Variants in MAFA observed in about 807,000 individuals in gnomAD.
The protein encoded by MAFA is transcription factor MafA.
For synonymous variants in MAFA, 244 were observed against 260.3 expected, an observed-to-expected ratio of 0.94 and a Z score of 0.60; for missense variants, 547 against 538.0, an observed-to-expected ratio of 1.02 and a Z score of -0.16.
Position 143,430,095 on chromosome 8 carries a change from G to A in MAFA, c.312C>T (p.Val104=). The A allele has an allele frequency of 8.5e-7, 1 of 1,179,800 alleles. No individual in the cohort carries two copies. The highest frequency in any genetic ancestry group is 1.1e-6 in the Non-Finnish European group (1 of 950,220). The allele number at this position is 1,179,800 out of a possible 1,614,324, so 73.1% of individuals were successfully genotyped here. ...GCGCCGGCTTCCCCGAGGTGCCCCCGACGGCGCCGGGGCCCCCGCTCGGCG... is the reference window on the plus strand; with the variant it reads ...GCGCCGGCTTCCCCGAGGTGCCCCCAACGGCGCCGGGGCCCCCGCTCGGCG... ...PGPPSGGPGA[V]GGTSGKPALE... The change falls in exon 1 of 1, where the codon GTC becomes GTT. Residue 104 remains valine, a synonymous_variant. Transcript: ENST00000333480.
Position 143,430,582 on chromosome 8 carries a change from G to T in MAFA, c.-176C>A, listed in dbSNP as rs1283949011. 7.0e-6 allele frequency among the ~76,000 whole-genome samples: 1 copy of T among 142,024 alleles called. No homozygotes were observed. The highest frequency in any genetic ancestry group is 2.5e-5 in the African/African-American group (1 of 40,240). The allele number at this position is 142,024 out of a possible 152,430, so 93.2% of individuals were successfully genotyped here. The stretch of plus-strand genomic sequence containing the variant: ...GGAAAAGTTTCACGTGGTCAACTCC[G>T]GGGCGGCGCGCTAGGGGCACCGCTG... On this transcript the variant is annotated 5_prime_UTR_variant, in exon 1 of 1. Coordinates refer to ENST00000333480, the MANE Select transcript of MAFA (RefSeq NM_201589.4).
In MAFA at chr8:143,428,878, T is replaced by C. The variant is rs1819488987; in HGVS notation, c.*467A>G. ...TTCTAATCACCAAGCATAATAATTA[T>C]AAATACTTCGAAAATAAGACCGATT... On this transcript the variant is annotated 3_prime_UTR_variant, in exon 1 of 1. Transcript: ENST00000333480. The C allele has an allele frequency of 6.6e-6, 1 of 152,450 alleles. No individual in the cohort carries two copies. Among genetic ancestry groups the C allele is most frequent in the Non-Finnish European group, 1.5e-5 (1 of 68,378 alleles). The allele number at this position is 152,450 out of a possible 1,614,324, so 9.4% of individuals were successfully genotyped here. A position where few individuals can be genotyped will look rare whatever the true frequency, so the allele number is the denominator to read the frequency against.
chr8:143,430,322 A>G lies in MAFA; in HGVS notation c.85T>C (p.Phe29Leu). Residue 29 changes from phenylalanine to leucine, a missense_variant, in exon 1 of 1, where the codon TTC becomes CTC. Phe to Leu is a conservative substitution (Grantham distance 22). Coordinates refer to ENST00000333480, the MANE Select transcript of MAFA (RefSeq NM_201589.4). ...EYVNDFDLMK[F>L]EVKKEPPEAE... ...TCGGGAGGCTCCTTCTTCACCTCGA[A>G]CTTCATCAGGTCGAAGTCGTTGACG... 6.9e-7 allele frequency: 1 copy of G among 1,449,192 alleles called. No homozygotes were observed. The highest frequency in any genetic ancestry group is 9.2e-7 in the Non-Finnish European group (1 of 1,085,872). 89.8% of individuals were successfully genotyped at this position (1,449,192 alleles called of 1,614,324 possible).
In MAFA at chr8:143,430,401, G is replaced by C. The variant is rs1319154632; in HGVS notation, c.6C>G (p.Ala2=). 2.3e-6 allele frequency: 3 copies of C among 1,330,260 alleles called. No homozygotes were observed. The highest frequency in any genetic ancestry group is 2.3e-4 in the Middle Eastern group (1 of 4,318). The allele number at this position is 1,330,260 out of a possible 1,614,324, so 82.4% of individuals were successfully genotyped here. The part of the protein sequence containing the change: M[A]AELAMGAELP... ...GCTCGGCGCCCATCGCCAGCTCCGC[G>C]GCCATCGCCCGGGGCCCGCGCCCGG... The change falls in exon 1 of 1, where the codon GCC becomes GCG. Residue 2 remains alanine (A), a synonymous_variant. Coordinates refer to ENST00000333480, the MANE Select transcript of MAFA (RefSeq NM_201589.4).
In MAFA at chr8:143,429,586, T is replaced by C. The variant is rs1481216930; in HGVS notation, c.821A>G (p.Lys274Arg). The C allele has an allele frequency of 6.2e-7, 1 of 1,603,298 alleles. No individual in the cohort carries two copies. The highest frequency in any genetic ancestry group is 1.3e-5 in the African/African-American group (1 of 74,984). ...NRGYAQSCRF[K>R]RVQQRHILES... The stretch of plus-strand genomic sequence containing the variant: ...CAGAATGTGCCGCTGCTGCACCCGC[T>C]TGAAGCGGCAGGACTGCGCGTAGCC... Residue 274 changes from lysine to arginine, a missense_variant, in exon 1 of 1, where the codon AAG becomes AGG. Coordinates refer to ENST00000333480, the MANE Select transcript of MAFA (RefSeq NM_201589.4). This position sits in a 1 kb window ranked among gnomAD's most constrained non-coding sequence, Gnocchi z 5.9.
chr8:143,428,804 A>C lies in MAFA; in HGVS notation c.*541T>G, dbSNP rs1819487881. 6.6e-6 allele frequency: 1 copy of C among 151,634 alleles called. No individual in the cohort carries two copies. Among genetic ancestry groups the C allele is most frequent in the Admixed American group, 6.6e-5 (1 of 15,244 alleles). 9.4% of individuals were successfully genotyped at this position (151,634 alleles called of 1,614,324 possible). A position where few individuals can be genotyped will look rare whatever the true frequency, so the allele number is the denominator to read the frequency against. On this transcript the variant is annotated 3_prime_UTR_variant, in exon 1 of 1. Transcript: ENST00000333480. ...CGACTCATGCTGTGACTCGCGACTGAGGGCGGACCCCGGCTGGGGAAAGAA... is the reference window on the plus strand; with the variant it reads ...CGACTCATGCTGTGACTCGCGACTGCGGGCGGACCCCGGCTGGGGAAAGAA...
In MAFA at chr8:143,429,077, C is replaced by T; in HGVS notation, c.*268G>A. ...CGTTCAACGTATGTACAAGCGGACG[C>T]TTGGAAAGAAGTTAGACCTGGCTCA... On this transcript the variant is annotated 3_prime_UTR_variant, in exon 1 of 1. Coordinates refer to ENST00000333480, the MANE Select transcript of MAFA (RefSeq NM_201589.4). This position sits in a 1 kb window ranked among gnomAD's most constrained non-coding sequence, Gnocchi z 5.9. 3.4e-6 allele frequency: 1 copy of T among 292,152 alleles called. No homozygotes were observed. Among genetic ancestry groups the T allele is most frequent in the Non-Finnish European group, 6.2e-6 (1 of 161,288 alleles). The allele number at this position is 292,152 out of a possible 1,614,324, so 18.1% of individuals were successfully genotyped here. A position where few individuals can be genotyped will look rare whatever the true frequency, so the allele number is the denominator to read the frequency against.
Position 143,429,777 on chromosome 8 carries a change from G to C in MAFA, c.630C>G (p.Gly210=), listed in dbSNP as rs1225759892. Residue 210 remains glycine, a synonymous_variant, in exon 1 of 1, where the codon GGC becomes GGG. Transcript: ENST00000333480. The surrounding 1 kb of genome is among the most constrained non-coding windows in gnomAD (Gnocchi z 5.9). ...GGCCCGCGCCACCGCCGTGTCCCGCGCCGCCATGGTGGTGGTGGTGGTGGT... is the reference window on the plus strand; with the variant it reads ...GGCCCGCGCCACCGCCGTGTCCCGCCCCGCCATGGTGGTGGTGGTGGTGGT... ...HHHHHHHHHG[G]AGHGGGAGHH... is the part of the protein sequence containing the mutation. 6.7e-7 allele frequency: 1 copy of C among 1,491,770 alleles called. No individual in the cohort carries two copies. The highest frequency in any genetic ancestry group is 1.6e-5 in the African/African-American group (1 of 62,642). 92.4% of individuals were successfully genotyped at this position (1,491,770 alleles called of 1,614,324 possible). A position where few individuals can be genotyped will look rare whatever the true frequency, so the allele number is the denominator to read the frequency against.
chr8:143,428,187 C>T lies in MAFA; in HGVS notation c.*1158G>A, dbSNP rs1400254908. ...TTTCAACGAGTCGGCGCGCCTTCCA[C>T]TCCGAGTGCTCAGGGGAGGGGTGTG... On this transcript the variant is annotated 3_prime_UTR_variant, in exon 1 of 1. Coordinates refer to ENST00000333480, the MANE Select transcript of MAFA (RefSeq NM_201589.4). 6.6e-6 allele frequency: 1 copy of T among 152,230 alleles called. No individual in the cohort carries two copies. The highest frequency in any genetic ancestry group is 2.4e-5 in the African/African-American group (1 of 41,456). 9.4% of individuals were successfully genotyped at this position (152,230 alleles called of 1,614,324 possible). A position where few individuals can be genotyped will look rare whatever the true frequency, so the allele number is the denominator to read the frequency against.
chr8:143,429,601 T>G lies in MAFA; in HGVS notation c.806A>C (p.Gln269Pro). ...CTGCACCCGCTTGAAGCGGCAGGAC[T>G]GCGCGTAGCCGCGGTTCTTGAGCGT... is the stretch of plus-strand genomic sequence containing the variant. ...RRTLKNRGYA[Q>P]SCRFKRVQQR... The change falls in exon 1 of 1, where the codon CAG becomes CCG. Residue 269 changes from glutamine to proline, a missense_variant. By Grantham distance (76) the Gln-to-Pro change is moderately conservative. Coordinates refer to ENST00000333480, the MANE Select transcript of MAFA (RefSeq NM_201589.4). This position sits in a 1 kb window ranked among gnomAD's most constrained non-coding sequence, Gnocchi z 5.9. 6.2e-7 allele frequency: 1 copy of G among 1,601,246 alleles called. No individual in the cohort carries two copies. The highest frequency in any genetic ancestry group is 8.5e-7 in the Non-Finnish European group (1 of 1,178,852).
Position 143,429,570 on chromosome 8 carries a change from C to T in MAFA, c.837G>A (p.Arg279=), listed in dbSNP as rs750218912. Residue 279 remains arginine, a synonymous_variant, in exon 1 of 1, where the codon CGG becomes CGA. Transcript: ENST00000333480. This position sits in a 1 kb window ranked among gnomAD's most constrained non-coding sequence, Gnocchi z 5.9. ...GGCACTTCTCGCTCTCCAGAATGTG[C>T]CGCTGCTGCACCCGCTTGAAGCGGC... The part of the protein sequence containing the change: ...QSCRFKRVQQ[R]HILESEKCQL... 3.0e-5 allele frequency: 48 copies of T among 1,604,084 alleles called. No homozygotes were observed. Among genetic ancestry groups the T allele is most frequent in the Non-Finnish European group, 4.1e-5 (48 of 1,179,470 alleles).
Position 143,428,116 on chromosome 8 carries a change from A to T in MAFA, c.*1229T>A, listed in dbSNP as rs1191897416. The T allele has an allele frequency of 6.6e-6, 1 of 152,256 alleles. No individual in the cohort carries two copies. The highest frequency in any genetic ancestry group is 1.5e-5 in the Non-Finnish European group (1 of 68,048). The allele number at this position is 152,256 out of a possible 1,614,324, so 9.4% of individuals were successfully genotyped here. On this transcript the variant is annotated 3_prime_UTR_variant, in exon 1 of 1. Coordinates refer to ENST00000333480, the MANE Select transcript of MAFA (RefSeq NM_201589.4). ...ATTTTTTTCTTTTTCTCAGTTTCGT[A>T]GCAAATGAAAAAAGAACTCAACGAA...
In MAFA at chr8:143,428,531, G is replaced by A. The variant is rs1454805692; in HGVS notation, c.*814C>T. 3 of 152,214 alleles carry A rather than the reference G, an allele frequency of 2.0e-5. No individual in the cohort carries two copies. The highest frequency in any genetic ancestry group is 1.3e-4 in the Admixed American group (2 of 15,284). 9.4% of individuals were successfully genotyped at this position (152,214 alleles called of 1,614,324 possible). A position where few individuals can be genotyped will look rare whatever the true frequency, so the allele number is the denominator to read the frequency against. On this transcript the variant is annotated 3_prime_UTR_variant, in exon 1 of 1. Transcript: ENST00000333480. Reference sequence around the variant, plus strand: ...CTTCTCTTGAAGGTTAAAACAAGATGTATTTCCCCAGGAGTTACAGATATG... The same window carrying A: ...CTTCTCTTGAAGGTTAAAACAAGATATATTTCCCCAGGAGTTACAGATATG...
At position 143,430,608 on chromosome 8, in the gene MAFA, G is replaced by C. The variant is rs936116712; in HGVS notation, c.-202C>G. ...GGGCGGCGCGCTAGGGGCACCGCTGGCCAGGTGTCTCGGGCGACCCCGGGC... is the reference window on the plus strand; with the variant it reads ...GGGCGGCGCGCTAGGGGCACCGCTGCCCAGGTGTCTCGGGCGACCCCGGGC... On this transcript the variant is annotated 5_prime_UTR_variant, in exon 1 of 1. Transcript: ENST00000333480. 9.1e-5 allele frequency among the ~76,000 whole-genome samples: 12 copies of C among 131,992 alleles called. No homozygotes were observed. Among genetic ancestry groups the C allele is most frequent in the African/African-American group, 1.3e-4 (5 of 38,828 alleles). The allele number at this position is 131,992 out of a possible 152,430, so 86.6% of individuals were successfully genotyped here.
At position 143,430,488 on chromosome 8, in the gene MAFA, C is replaced by G; in HGVS notation, c.-82G>C. On this transcript the variant is annotated 5_prime_UTR_variant, in exon 1 of 1. Transcript: ENST00000333480. ...GCTGCAGGCCTCTCCCCCCCCTGCT[C>G]CCCGCGGGCGGCGGTCCCGGCGGGG... 5.8e-6 allele frequency: 2 copies of G among 346,620 alleles called. No homozygotes were observed. The highest frequency in any genetic ancestry group is 1.3e-4 in the South Asian group (1 of 7,772). The allele number at this position is 346,620 out of a possible 1,614,324, so 21.5% of individuals were successfully genotyped here.
In MAFA at chr8:143,429,579, C is replaced by T. The variant is rs779940817; in HGVS notation, c.828G>A (p.Val276=). ...GYAQSCRFKR[V]QQRHILESEK... ...CGCTCTCCAGAATGTGCCGCTGCTGCACCCGCTTGAAGCGGCAGGACTGCG... is the reference window on the plus strand; with the variant it reads ...CGCTCTCCAGAATGTGCCGCTGCTGTACCCGCTTGAAGCGGCAGGACTGCG... The change falls in exon 1 of 1, where the codon GTG becomes GTA. Residue 276 remains valine (V), a synonymous_variant. Transcript: ENST00000333480. This position sits in a 1 kb window ranked among gnomAD's most constrained non-coding sequence, Gnocchi z 5.9. The T allele has an allele frequency of 5.6e-6, 9 of 1,603,698 alleles. No homozygotes were observed. The highest frequency in any genetic ancestry group is 4.2e-6 in the Non-Finnish European group (5 of 1,179,444).
Position 143,429,926 on chromosome 8 carries a change from C to A in MAFA, c.481G>T (p.Ala161Ser). The A allele has an allele frequency of 1.6e-6, 2 of 1,256,882 alleles. No individual in the cohort carries two copies. Among genetic ancestry groups the A allele is most frequent in the South Asian group, 2.7e-5 (1 of 36,590 alleles). 77.9% of individuals were successfully genotyped at this position (1,256,882 alleles called of 1,614,324 possible). A position where few individuals can be genotyped will look rare whatever the true frequency, so the allele number is the denominator to read the frequency against. The stretch of plus-strand genomic sequence containing the variant: ...GGGCCGCGGAAAGCCTCGTAGGCTG[C>A]GGCGGCCGCCGGGTGGTGCGCGCCG... Reference protein sequence around the residue: ...HHGAHHPAAAAAYEAFRGPGF... With the variant: ...HHGAHHPAAASAYEAFRGPGF... The change falls in exon 1 of 1, where the codon GCA becomes TCA. Residue 161 changes from alanine to serine, a missense_variant. By Grantham distance (99) the Ala-to-Ser change is moderately conservative. Transcript: ENST00000333480. This position sits in a 1 kb window ranked among gnomAD's most constrained non-coding sequence, Gnocchi z 5.9.
rs763752855 is a variant in MAFA at position 143,430,031 on chromosome 8, G to A, written c.376C>T (p.Leu126Phe). The change falls in exon 1 of 1, where the codon CTC becomes TTC. Residue 126 changes from leucine to phenylalanine, a missense_variant. Leu to Phe is a conservative substitution (Grantham distance 22). Transcript: ENST00000333480. ...GTCAGGTTGAGCGCCTCGGGGTTGAGGTGATGCTGGTAGCCGCTCATCCAG... is the reference window on the plus strand; with the variant it reads ...GTCAGGTTGAGCGCCTCGGGGTTGAAGTGATGCTGGTAGCCGCTCATCCAG... ...LYWMSGYQHH[L>F]NPEALNLTPE... 110 of 1,372,006 alleles carry A rather than the reference G, an allele frequency of 8.0e-5. 1 individual carries two copies. The Admixed American group carries it at 2.8e-3, about 35-fold the overall frequency. The allele number at this position is 1,372,006 out of a possible 1,614,324, so 85.0% of individuals were successfully genotyped here.
rs1300114200 is a variant in MAFA, at chr8:143,429,231, C to T, written c.*114G>A. The T allele has an allele frequency of 8.4e-6, 10 of 1,196,574 alleles. No homozygotes were observed. Among genetic ancestry groups the T allele is most frequent in the Admixed American group, 4.4e-5 (1 of 22,550 alleles). 74.1% of individuals were successfully genotyped at this position (1,196,574 alleles called of 1,614,324 possible). A position where few individuals can be genotyped will look rare whatever the true frequency, so the allele number is the denominator to read the frequency against. ...CGCAGACTTGGCACCGGGGCCAGCA[C>T]GGCCGGGCCGGGCCTGGTGTCCACG... On this transcript the variant is annotated 3_prime_UTR_variant, in exon 1 of 1. Coordinates refer to ENST00000333480, the MANE Select transcript of MAFA (RefSeq NM_201589.4). The surrounding 1 kb of genome is among the most constrained non-coding windows in gnomAD (Gnocchi z 5.9).
Sources: allele counts gnomAD v4.1 joint callset (sites outside exome capture counted in the v4.1 genomes callset), GRCh38; gene constraint gnomAD v4.1.1; non-coding constraint Gnocchi (gnomAD v3.1); transcripts MANE v1.5; gene names NCBI Gene and HGNC (gene_info 2026-07-23, HGNC 2026-07-21).